GLB1: variants seen among roughly 807,000 people sequenced by gnomAD.
GLB1 encodes beta-galactosidase.
GLB1 carries 56 observed loss-of-function variants against 74.0 expected under a neutral mutation model. The observed-to-expected ratio is 0.76, with a 90% CI of 0.61 to 0.94. The LOEUF (loss-of-function observed/expected upper bound fraction) is 0.94, where lower values mean the gene tolerates loss of function less well. GLB1 is among the 40% of genes least tolerant of loss of function. GLB1 has a pLI of 0.00. For missense variants in GLB1, 787 were observed against 845.5 expected (o/e 0.93, Z 0.86); for synonymous variants, 323 against 323.6 (o/e 1.00, Z 0.02).
intron 9 of GLB1, among the ~76,000 whole-genome samples, chr3:33,047,265 G>C (rs896319175): frequency 4.6e-5 from 7 of 152,182 alleles, no homozygotes; most frequent in African/African-American, 1.7e-4. Context: ...CTGTGCAAGG[G>C]GCGGGGTCTA....
At chr3:33,044,444 AAAG>A (rs1040146697) in intron 10 of GLB1, among the ~76,000 whole-genome samples, 77 of 152,310 alleles carry the variant, frequency 5.1e-4, no homozygotes, top group African/African-American at 1.8e-3. Context: ...TTATATTAGA[AAAG>A]AAGAAAGGCT....
chr3:33,057,575 C>T (rs531768835), intron 6 of GLB1, among the ~76,000 whole-genome samples: 195 of 152,340 alleles, frequency 1.3e-3, no homozygotes, highest in African/African-American at 4.6e-3. Flanking sequence ...AAACCACCTC[C>T]AGCCCTGACA....
At chr3:33,022,404 C>T (rs1323378885) in intron 11 of GLB1, among the ~76,000 whole-genome samples, 1 of 151,948 alleles carries the variant, frequency 6.6e-6, no homozygotes, top group East Asian at 1.9e-4. Flanking sequence ...TTTACATGCA[C>T]TAGCTCATTG....
chr3:33,065,334 C>A, intron 5 of GLB1, 129 bp downstream of exon 5: 1 of 1,261,170 alleles, frequency 7.9e-7, no homozygotes, highest in South Asian at 1.3e-5. Flanking sequence ...ACTAAAAGCA[C>A]TATCTGTGGC....
At chr3:33,004,505 A>G (rs1244220860) in intron 15 of GLB1, among the ~76,000 whole-genome samples, 5 of 152,168 alleles carry the variant, frequency 3.3e-5, no homozygotes, top group African/African-American at 2.4e-5. Context: ...TAAAAACTCA[A>G]TTTAAAAATA....
In GLB1 at chr3:33,090,506, A is replaced by T. The variant is rs967896954; in HGVS notation, c.75+6505T>A. ...CAGACACTATTGCTGATTTTCAAAA[A>T]GCATTGCATTTCAATTTGCATCTAA... On this transcript the variant is annotated intron_variant, in intron 1 of 15. Transcript: ENST00000307363. The T allele has an allele frequency of 1.1e-5, 11 of 985,352 alleles. No homozygotes were observed. In the African/African-American group the frequency reaches 1.9e-4, roughly 17 times the overall value. The allele number at this position is 985,352 out of a possible 1,614,324, so 61.0% of individuals were successfully genotyped here. A position where few individuals can be genotyped will look rare whatever the true frequency, so the allele number is the denominator to read the frequency against.
At chr3:33,061,874 C>G (rs1314413793) in intron 5 of GLB1, among the ~76,000 whole-genome samples, 1 of 152,182 alleles carries the variant, frequency 6.6e-6, no homozygotes, top group Non-Finnish European at 1.5e-5. Context: ...GCTAATCCCC[C>G]CAAAAGAGAA....
In GLB1 at chr3:33,002,476, T is replaced by G. The variant is rs1025467332; in HGVS notation, c.1735-5132A>C. 8.6e-4 allele frequency among the ~76,000 whole-genome samples: 131 copies of G among 151,478 alleles called. 2 individuals are homozygous for G. Among genetic ancestry groups the G allele is most frequent in the Non-Finnish European group, 5.7e-4 (39 of 67,844 alleles). ...TCGAATTCTTGGGCTTAAGCGATCCTCCTGTGTCAGCCTCTTGAGGAGCTG... is the reference window on the plus strand; with the variant it reads ...TCGAATTCTTGGGCTTAAGCGATCCGCCTGTGTCAGCCTCTTGAGGAGCTG... On this transcript the variant is annotated intron_variant, in intron 15 of 15. Transcript: ENST00000307363.
the GLB1 span, among the ~76,000 whole-genome samples, chr3:32,988,383 G>A: frequency 9.5e-4 from 144 of 152,262 alleles, 2 homozygotes; most frequent in South Asian, 0.028. Flanking sequence ...CCTGCTCAGT[G>A]AGGAGGGACT....
chr3:33,040,839 G>GA lies in GLB1; in HGVS notation c.1068+5280dup, dbSNP rs1408830045. 3.9e-5 allele frequency among the ~76,000 whole-genome samples: 6 copies of GA among 152,170 alleles called. No homozygotes were observed. In the East Asian group the frequency reaches 1.2e-3, roughly 29 times the overall value. ...TAAAAGAAGAACATGTATACATAAG[G>GA]AAAAAGCAAGAGAATTTAAAAATGG... is the stretch of plus-strand genomic sequence containing the variant. On this transcript the variant is annotated intron_variant, in intron 10 of 15. Transcript: ENST00000307363.
intron 10 of GLB1, among the ~76,000 whole-genome samples, chr3:33,039,018 G>A (rs886457266): frequency 6.6e-6 from 1 of 152,030 alleles, no homozygotes; most frequent in African/African-American, 2.4e-5. Context: ...AGGGCCGGGC[G>A]TAGTGGCTCA....
In GLB1 at chr3:33,093,978, T is replaced by C; in HGVS notation, c.75+3033A>G. On this transcript the variant is annotated intron_variant, in intron 1 of 15. Transcript: ENST00000307363. This position sits in a 1 kb window ranked among gnomAD's most constrained non-coding sequence, Gnocchi z 6.0. ...ACAGGTTGACTCTGCAGCTGGGGAG[T>C]GGCAGAGGTTGCTCACTGTGCTGCG... 1 of 1,613,850 alleles carries C rather than the reference T, an allele frequency of 6.2e-7. No homozygotes were observed. The highest frequency in any genetic ancestry group is 8.5e-7 in the Non-Finnish European group (1 of 1,179,976).
At chr3:32,982,806 G>C in the GLB1 span, among the ~76,000 whole-genome samples, 1 of 152,096 alleles carries the variant, frequency 6.6e-6, no homozygotes, top group African/African-American at 2.4e-5. Flanking sequence ...TTCAGTGAGA[G>C]TCTCTGTTTA....
the GLB1 span, among the ~76,000 whole-genome samples, chr3:32,972,149 G>A: frequency 1.3e-5 from 2 of 152,020 alleles, no homozygotes; most frequent in Non-Finnish European, 2.9e-5. Context: ...TGGGGGTACC[G>A]TACCCCCATC....
intron 5 of GLB1, among the ~76,000 whole-genome samples, chr3:33,061,022 C>T (rs1361939389): frequency 2.6e-5 from 4 of 152,096 alleles, no homozygotes; most frequent in Admixed American, 2.0e-4. Context: ...AGGTGAGACA[C>T]ACAAATGAAA....
intron 12 of GLB1, among the ~76,000 whole-genome samples, chr3:33,020,026 A>C (rs913487691): frequency 2.6e-5 from 4 of 152,204 alleles, no homozygotes; most frequent in Non-Finnish European, 4.4e-5. Flanking sequence ...GCACGTGTTC[A>C]TATAGTAACC....
chr3:33,083,458 A>G (rs1234956222), intron 1 of GLB1, among the ~76,000 whole-genome samples: 3 of 151,838 alleles, frequency 2.0e-5, no homozygotes, highest in South Asian at 2.1e-4. Context: ...GGAGACAGAG[A>G]GAGAGAAAAC....
intron 10 of GLB1, among the ~76,000 whole-genome samples, chr3:33,040,455 A>T (rs1053887041): frequency 7.9e-5 from 12 of 152,102 alleles, no homozygotes; most frequent in Admixed American, 4.6e-4. Flanking sequence ...AAAAAAATAA[A>T]AAATAAATTA....
chr3:33,036,718 C>A (rs1698293434), intron 10 of GLB1, among the ~76,000 whole-genome samples: 1 of 36,368 alleles, frequency 2.7e-5, no homozygotes, highest in Non-Finnish European at 1.1e-4. Flanking sequence ...GAAATTCTGA[C>A]ACGTTACAAC....
Sources: allele counts gnomAD v4.1 joint callset (sites outside exome capture counted in the v4.1 genomes callset), GRCh38; gene constraint gnomAD v4.1.1; non-coding constraint Gnocchi (gnomAD v3.1); transcripts MANE v1.5; gene names NCBI Gene and HGNC (gene_info 2026-07-23, HGNC 2026-07-21).